TRMT1: variants seen among roughly 807,000 people sequenced by gnomAD.
The protein encoded by TRMT1 is tRNA methyltransferase 1, also known as tRNA (guanine(26)-N(2))-dimethyltransferase.
Under a neutral mutation model 75.4 loss-of-function variants are expected in TRMT1, and 63 were observed. The observed-to-expected ratio is 0.84, with a 90% CI of 0.68 to 1.03. The LOEUF is 1.03. TRMT1 is among the 50% of genes least tolerant of loss of function. TRMT1 has a pLI of 0.00. For synonymous variants in TRMT1, 382 were observed against 358.1 expected (o/e 1.07, Z -0.75); for missense variants, 870 against 905.3 (o/e 0.96, Z 0.50).
At chr19:13,115,221 C>G in intron 5 of TRMT1, 58 bp downstream of exon 5, 5 of 1,536,392 alleles carry the variant, frequency 3.3e-6, no homozygotes, top group Non-Finnish European at 4.4e-6. Flanking sequence ...GTGACAGAGC[C>G]AGAATTTGAC....
intron 7 of TRMT1, among the ~76,000 whole-genome samples, chr19:13,111,611 T>C (rs2019144076): frequency 6.8e-6 from 1 of 146,572 alleles, no homozygotes. Flanking sequence ...TTGGCCAGGG[T>C]GCTCTTGAAC....
chr19:13,110,246 C>T lies in TRMT1; in HGVS notation c.931G>A (p.Val311Met), dbSNP rs1208523013. Residue 311 changes from valine (V) to methionine (M), a missense_variant, in exon 8 of 17, where the codon GTG becomes ATG. Coordinates refer to ENST00000357720, the MANE Select transcript of TRMT1 (RefSeq NM_001136035.4). The stretch of plus-strand genomic sequence containing the variant: ...TCAGCGCTGATGCTGAGCAGCGGCA[C>T]CACGAAGCGCTGGTAGCAGTTGGCG... ...LRANCYQRFV[V>M]PLLSISADFY... 3 of 1,613,038 alleles carry T rather than the reference C, an allele frequency of 1.9e-6. No homozygotes were observed. In the Admixed American group the frequency reaches 5.0e-5, roughly 27 times the overall value.
chr19:13,108,044 G>A (rs566069198), intron 12 of TRMT1, among the ~76,000 whole-genome samples, 185 bp from the exon 13 acceptor site: 1 of 137,914 alleles, frequency 7.3e-6, no homozygotes, highest in Non-Finnish European at 1.5e-5. Flanking sequence ...AGGCTGGAGT[G>A]CAATGGCGCA....
chr19:13,114,676 T>A (rs1376533913), intron 5 of TRMT1, among the ~76,000 whole-genome samples: 6 of 143,642 alleles, frequency 4.2e-5, no homozygotes, highest in Non-Finnish European at 9.1e-5. Flanking sequence ...AATAAATAAA[T>A]AAATAAAAAT....
At position 13,112,702 on chromosome 19, in the gene TRMT1, C is replaced by T; in HGVS notation, c.870+3G>A. The T allele has an allele frequency of 6.2e-7, 1 of 1,610,734 alleles. No individual in the cohort carries two copies. The highest frequency in any genetic ancestry group is 1.3e-5 in the African/African-American group (1 of 75,066). On this transcript the variant is annotated splice_donor_region_variant and intron_variant, in intron 7 of 16. Transcript: ENST00000357720. ...CCTGGCTGGCTGGCAGAGGGCCCCT[C>T]ACCATCTCGTGGCAGGCCCGGCTCT... is the stretch of plus-strand genomic sequence containing the variant.
intron 5 of TRMT1, among the ~76,000 whole-genome samples, chr19:13,114,653 C>T (rs913477919): frequency 6.7e-6 from 1 of 149,848 alleles, no homozygotes; most frequent in Non-Finnish European, 1.5e-5. Flanking sequence ...CAGAGCGAGA[C>T]TCCGTGTCAA....
At chr19:13,113,853 G>A (rs548087340) in intron 5 of TRMT1, among the ~76,000 whole-genome samples, 4 of 151,302 alleles carry the variant, frequency 2.6e-5, no homozygotes, top group Admixed American at 6.6e-5. Flanking sequence ...CAAGTGATCC[G>A]CCCACCTCGG....
intron 10 of TRMT1, 42 bp downstream of exon 10, chr19:13,109,727 C>T: frequency 6.2e-7 from 1 of 1,614,046 alleles, no homozygotes; most frequent in Non-Finnish European, 8.5e-7. Flanking sequence ...CTATGACCTT[C>T]AAGACCCTCT....
rs766620074 is a variant in TRMT1 at position 13,112,755 on chromosome 19, A to G, written c.820T>C (p.Tyr274His). 1 of 1,613,728 alleles carries G rather than the reference A, an allele frequency of 6.2e-7. No homozygotes were observed. The highest frequency in any genetic ancestry group is 1.3e-5 in the African/African-American group (1 of 74,920). Residue 274 changes from tyrosine to histidine, a missense_variant, in exon 7 of 17, where the codon TAC becomes CAC. By Grantham distance (83) the Tyr-to-His change is moderately conservative. Coordinates refer to ENST00000357720, the MANE Select transcript of TRMT1 (RefSeq NM_001136035.4). ...AGGGCCATGGCCCCGTACTTGCTGTAGCACGTCTCCCCGCTGTTCCCCGCC... is the reference window on the plus strand; with the variant it reads ...AGGGCCATGGCCCCGTACTTGCTGTGGCACGTCTCCCCGCTGTTCCCCGCC... ...VLAGNSGETC[Y>H]SKYGAMALKS...
Position 13,105,545 on chromosome 19 carries a change from T to C in TRMT1, c.1645A>G (p.Lys549Glu), listed in dbSNP as rs2145572041. The C allele has an allele frequency of 6.2e-7, 1 of 1,613,990 alleles. No individual in the cohort carries two copies. The highest frequency in any genetic ancestry group is 8.5e-7 in the Non-Finnish European group (1 of 1,180,010). ...GCCTCCGGGTTAGCCTGGAAGCGCT[T>C]GAGTCCTCGCTGTCGGGAGCTGGGG... is the stretch of plus-strand genomic sequence containing the variant. ...ANPSSRQRGL[K>E]RFQANPEANW... Residue 549 changes from lysine to glutamate, a missense_variant, in exon 15 of 17, where the codon AAG becomes GAG. Coordinates refer to ENST00000357720, the MANE Select transcript of TRMT1 (RefSeq NM_001136035.4).
At chr19:13,111,419 T>C (rs2019135129) in intron 7 of TRMT1, among the ~76,000 whole-genome samples, 1 of 151,004 alleles carries the variant, frequency 6.6e-6, no homozygotes, top group Admixed American at 6.6e-5. Context: ...GTTTTGCTCT[T>C]GTTGCCCAGG....
At position 13,109,629 on chromosome 19, in the gene TRMT1, A is replaced by G. The variant is rs774163132; in HGVS notation, c.1232T>C (p.Val411Ala). ...GGGGTTAGCGCTCACAGCCTCCAGG[A>G]CACGGCCCACAAAATCCAGGTCATG... ...PIHDLDFVGR[V>A]LEAVSANPGR... Residue 411 changes from valine (V) to alanine (A), a missense_variant, in exon 11 of 17, where the codon GTC becomes GCC. Coordinates refer to ENST00000357720, the MANE Select transcript of TRMT1 (RefSeq NM_001136035.4). The G allele has an allele frequency of 6.2e-7, 1 of 1,613,952 alleles. No individual in the cohort carries two copies.
chr19:13,110,025 G>A (rs903370041), intron 8 of TRMT1, 24 bp from the exon 9 acceptor site: 37 of 1,612,460 alleles, frequency 2.3e-5, no homozygotes, highest in African/African-American at 1.6e-4. Flanking sequence ...CAGTGGCCAC[G>A]AGTTCCCAGC....
At position 13,110,012 on chromosome 19, in the gene TRMT1, T is replaced by A. The variant is rs750365339; in HGVS notation, c.1020-11A>T. 1.4e-5 allele frequency: 22 copies of A among 1,612,650 alleles called. No homozygotes were observed. The South Asian group carries it at 2.4e-4, about 18-fold the overall frequency. On this transcript the variant is annotated splice_polypyrimidine_tract_variant and intron_variant, in intron 8 of 16. Transcript: ENST00000357720. ...ACCAGCGCCTGCTTGCTGTGGGGGG[T>A]ACCAGTGGCCACGAGTTCCCAGCGT...
Position 13,110,693 on chromosome 19 carries a change from C to T in TRMT1, c.871-387G>A, listed in dbSNP as rs985618641. Among the ~76,000 whole-genome samples, 3 of 152,166 alleles carry T rather than the reference C, an allele frequency of 2.0e-5. No individual in the cohort carries two copies. In the South Asian group the frequency reaches 6.2e-4, roughly 32 times the overall value. On this transcript the variant is annotated intron_variant, in intron 7 of 16. Transcript: ENST00000357720. ...TAGAACTGCTGGGGCCTGGGCCGGGCGTGGTGGCTCATGCCTGTAATCCCA... is the reference window on the plus strand; with the variant it reads ...TAGAACTGCTGGGGCCTGGGCCGGGTGTGGTGGCTCATGCCTGTAATCCCA...
rs537884238 is a variant in TRMT1, at chr19:13,111,184, C to T, written c.871-878G>A. Reference sequence around the variant, plus strand: ...TCAGCCTCCAGAGTAGCTGGGACCACAGGCATCCACCACCACACCTAGGTA... The same window carrying T: ...TCAGCCTCCAGAGTAGCTGGGACCATAGGCATCCACCACCACACCTAGGTA... On this transcript the variant is annotated intron_variant, in intron 7 of 16. Transcript: ENST00000357720. Among the ~76,000 whole-genome samples the T allele has an allele frequency of 5.2e-4, 79 of 152,170 alleles. No individual in the cohort carries two copies. In the South Asian group the frequency reaches 0.016, roughly 30 times the overall value.
At chr19:13,115,568 G>A (rs2019310300) in intron 4 of TRMT1, 58 bp downstream of exon 4, 1 of 1,608,650 alleles carries the variant, frequency 6.2e-7, no homozygotes, top group Non-Finnish European at 8.5e-7. Context: ...TCCCCCTCCA[G>A]GAGCCCTCTG....
At chr19:13,107,523 C>A (rs1337584872) in intron 14 of TRMT1, 51 bp downstream of exon 14, 2 of 1,546,226 alleles carry the variant, frequency 1.3e-6, no homozygotes, top group Non-Finnish European at 1.8e-6. Context: ...CACACATGTG[C>A]TTCCATGTCT....
intron 4 of TRMT1, 23 bp downstream of exon 4, chr19:13,115,603 C>A: frequency 6.2e-7 from 1 of 1,613,062 alleles, no homozygotes. Flanking sequence ...CCAGGGCTGC[C>A]AGCTCCTATG....
Sources: allele counts gnomAD v4.1 joint callset (sites outside exome capture counted in the v4.1 genomes callset), GRCh38; gene constraint gnomAD v4.1.1; transcripts MANE v1.5; gene names NCBI Gene and HGNC (gene_info 2026-07-23, HGNC 2026-07-21).